Variants in MTMR14 observed in about 807,000 individuals in gnomAD.
MTMR14 encodes myotubularin related protein 14.
A neutral mutation model predicts 86.3 loss-of-function variants in MTMR14; 48 were observed. That is an observed-to-expected ratio of 0.56 (90% CI 0.44 to 0.71). The LOEUF (loss-of-function observed/expected upper bound fraction) is 0.71, where lower values mean the gene tolerates loss of function less well. MTMR14 is among the 30% of genes least tolerant of loss of function. The pLI, the probability that MTMR14 is intolerant of heterozygous loss-of-function variation, is 0.00. For synonymous variants in MTMR14, 366 were observed against 326.1 expected (o/e 1.12, Z -1.32); for missense variants, 780 against 834.6 (o/e 0.93, Z 0.81).
intron 9 of MTMR14, among the ~76,000 whole-genome samples, chr3:9,680,342 C>G (rs904927820): frequency 2.0e-5 from 3 of 152,222 alleles, no homozygotes; most frequent in Admixed American, 2.0e-4. Context: ...CATCTCACAG[C>G]TGAACCTGGG....
At chr3:9,699,019 T>C (rs1325265679) in intron 18 of MTMR14, among the ~76,000 whole-genome samples, 2 of 151,802 alleles carry the variant, frequency 1.3e-5, no homozygotes, top group Non-Finnish European at 2.9e-5. Context: ...AAATACAAAA[T>C]TAGCTGGGCG....
intron 17 of MTMR14, among the ~76,000 whole-genome samples, chr3:9,696,753 C>T (rs976424500): frequency 6.6e-6 from 1 of 152,222 alleles, no homozygotes; most frequent in African/African-American, 2.4e-5. Flanking sequence ...TCTCCACCCC[C>T]AATCCCTGCT....
rs867886503 is a variant in MTMR14, at chr3:9,650,200, C to T, written c.159+458C>T. ...AGTGTGCTGCCCCCTTATAAGGTCT[C>T]AGCATGACTTAGGCCCATCCCTTTC... is the stretch of plus-strand genomic sequence containing the variant. On this transcript the variant is annotated intron_variant, in intron 1 of 18. Coordinates refer to ENST00000296003, the MANE Select transcript of MTMR14 (RefSeq NM_001077525.3). 9.7e-5 allele frequency: 39 copies of T among 400,306 alleles called. No homozygotes were observed. The Middle Eastern group carries it at 0.012, about 122-fold the overall frequency. The allele number at this position is 400,306 out of a possible 1,614,324, so 24.8% of individuals were successfully genotyped here. A position where few individuals can be genotyped will look rare whatever the true frequency, so the allele number is the denominator to read the frequency against.
rs1181390962 is a variant in MTMR14 at position 9,701,610 on chromosome 3, G to A, written c.1770-180G>A. On this transcript the variant is annotated intron_variant, in intron 18 of 18. Coordinates refer to ENST00000296003, the MANE Select transcript of MTMR14 (RefSeq NM_001077525.3). The surrounding 1 kb of genome is among the most constrained non-coding windows in gnomAD (Gnocchi z 4.2). ...CTGAGGGCTTAGAGGAATGGTTTAA[G>A]GGAAAACAGGGCCAGATATTTGGGG... The A allele has an allele frequency of 6.8e-5, 50 of 736,192 alleles. No homozygotes were observed. The highest frequency in any genetic ancestry group is 6.7e-4 in the East Asian group (25 of 37,228). 45.6% of individuals were successfully genotyped at this position (736,192 alleles called of 1,614,324 possible).
At position 9,677,217 on chromosome 3, in the gene MTMR14, C is replaced by T; in HGVS notation, c.752-100C>T. The T allele has an allele frequency of 9.6e-7, 1 of 1,041,494 alleles. No individual in the cohort carries two copies. Among genetic ancestry groups the T allele is most frequent in the Non-Finnish European group, 1.5e-6 (1 of 676,786 alleles). 64.5% of individuals were successfully genotyped at this position (1,041,494 alleles called of 1,614,324 possible). A position where few individuals can be genotyped will look rare whatever the true frequency, so the allele number is the denominator to read the frequency against. On this transcript the variant is annotated intron_variant, in intron 7 of 18. Coordinates refer to ENST00000296003, the MANE Select transcript of MTMR14 (RefSeq NM_001077525.3). This position sits in a 1 kb window ranked among gnomAD's most constrained non-coding sequence, Gnocchi z 4.2. ...GCTTGGAGAAGTGTGAGTTGGCGGC[C>T]CCCTCTCCACAGCACTCAGGGACCT... is the stretch of plus-strand genomic sequence containing the variant.
chr3:9,689,949 C>T lies in MTMR14; in HGVS notation c.1434-15C>T. On this transcript the variant is annotated splice_polypyrimidine_tract_variant and intron_variant, in intron 16 of 18. Transcript: ENST00000296003. ...CAGTGGCCCCCGGCTCACAGCCCTG[C>T]TCCTTCCACTGCAGGAGGAAGAGCC... The T allele has an allele frequency of 6.2e-7, 1 of 1,605,570 alleles. No individual in the cohort carries two copies. The highest frequency in any genetic ancestry group is 8.5e-7 in the Non-Finnish European group (1 of 1,176,920).
intron 1 of MTMR14, among the ~76,000 whole-genome samples, chr3:9,651,150 G>A (rs2047263755): frequency 6.6e-6 from 1 of 152,058 alleles, no homozygotes; most frequent in African/African-American, 2.4e-5. Context: ...TGCCCAGGCT[G>A]GATTGCAGTG....
At chr3:9,670,016 A>C (rs1013772516) in intron 5 of MTMR14, among the ~76,000 whole-genome samples, 2 of 152,178 alleles carry the variant, frequency 1.3e-5, no homozygotes, top group African/African-American at 4.8e-5. Context: ...CAGGAGTTTG[A>C]GTCCCTATAA....
chr3:9,682,240 G>C (rs1488121655), intron 9 of MTMR14, among the ~76,000 whole-genome samples: 1 of 152,228 alleles, frequency 6.6e-6, no homozygotes, highest in Non-Finnish European at 1.5e-5. Flanking sequence ...AAGTGGGTCA[G>C]AACTCTCCAG....
intron 5 of MTMR14, among the ~76,000 whole-genome samples, chr3:9,670,047 C>T (rs1038964475): frequency 3.9e-5 from 6 of 152,228 alleles, no homozygotes; most frequent in Admixed American, 1.3e-4. Flanking sequence ...TGGGCTGGTT[C>T]ACACTCTTGC....
Position 9,702,111 on chromosome 3 carries a change from C to T in MTMR14, c.*138C>T, listed in dbSNP as rs1402537028. On this transcript the variant is annotated 3_prime_UTR_variant, in exon 19 of 19. Transcript: ENST00000296003. ...CCATCTCCATCATGAACATGGCAGCCCCAAAGCTGAGCAAGGCCAAAGACA... is the reference window on the plus strand; with the variant it reads ...CCATCTCCATCATGAACATGGCAGCTCCAAAGCTGAGCAAGGCCAAAGACA... 1 of 1,152,292 alleles carries T rather than the reference C, an allele frequency of 8.7e-7. No homozygotes were observed. Among genetic ancestry groups the T allele is most frequent in the African/African-American group, 1.5e-5 (1 of 65,760 alleles). 71.4% of individuals were successfully genotyped at this position (1,152,292 alleles called of 1,614,324 possible).
In MTMR14 at chr3:9,677,128, G is replaced by A. The variant is rs530074194; in HGVS notation, c.752-189G>A. Among the ~76,000 whole-genome samples the A allele has an allele frequency of 6.6e-6, 1 of 152,318 alleles. No individual in the cohort carries two copies. The highest frequency in any genetic ancestry group is 2.4e-5 in the African/African-American group (1 of 41,584). On this transcript the variant is annotated intron_variant, in intron 7 of 18. Coordinates refer to ENST00000296003, the MANE Select transcript of MTMR14 (RefSeq NM_001077525.3). This position sits in a 1 kb window ranked among gnomAD's most constrained non-coding sequence, Gnocchi z 4.2. ...GGCATGCAGCCAGGAAACCAGAGGG[G>A]CTCTAGAGGCTCGCCCCTGGCTTTT...
At position 9,672,769 on chromosome 3, in the gene MTMR14, C is replaced by G. The variant is rs201803218; in HGVS notation, c.751+11C>G. On this transcript the variant is annotated intron_variant, in intron 7 of 18. Transcript: ENST00000296003. ...CCATCCCGTATCCAGGTAGGGGGCT[C>G]TCTTCTAGTGGCAGGCATCCTAGGA... 3.7e-5 allele frequency: 60 copies of G among 1,613,698 alleles called. No individual in the cohort carries two copies. The highest frequency in any genetic ancestry group is 1.7e-4 in the Admixed American group (10 of 60,008).
chr3:9,651,513 G>A (rs936062724), intron 1 of MTMR14, among the ~76,000 whole-genome samples: 4 of 152,182 alleles, frequency 2.6e-5, no homozygotes, highest in South Asian at 4.1e-4. Context: ...TATTGGCTGC[G>A]GCTGGCCTTA....
intron 1 of MTMR14, 128 bp from the exon 2 acceptor site, chr3:9,653,493 T>C (rs2047426696): frequency 1.7e-6 from 2 of 1,205,676 alleles, no homozygotes; most frequent in East Asian, 2.4e-5. Context: ...CATCACATCT[T>C]CCCAGCACAG....
chr3:9,684,821 T>C lies in MTMR14; in HGVS notation c.1051-67T>C, dbSNP rs1279376561. ...TTCTTCAGCCTGCGTTGTCACTGGG[T>C]CTGGTTATGGTTCAGCTCCTGGGGA... On this transcript the variant is annotated intron_variant, in intron 11 of 18. Transcript: ENST00000296003. The C allele has an allele frequency of 2.5e-6, 4 of 1,580,170 alleles. No individual in the cohort carries two copies. In the Admixed American group the frequency reaches 6.7e-5, roughly 26 times the overall value.
rs183134138 is a variant in MTMR14, at chr3:9,684,904, C to T, written c.1067C>T (p.Thr356Met). Residue 356 changes from threonine to methionine, a missense_variant, in exon 12 of 19, where the codon ACG becomes ATG. By Grantham distance (81) the Thr-to-Met change is moderately conservative (BLOSUM62 -1). Coordinates refer to ENST00000296003, the MANE Select transcript of MTMR14 (RefSeq NM_001077525.3). Reference protein sequence around the residue: ...LSLWADGLIHTSLKPTEILYL... With the variant: ...LSLWADGLIHMSLKPTEILYL... ...CTCTTCCAGGATGGGCTCATCCACA[C>T]GTCCCTGAAGCCCACTGAGATCCTC... is the stretch of plus-strand genomic sequence containing the variant. The T allele has an allele frequency of 2.0e-4, 330 of 1,614,128 alleles. 2 individuals carry two copies. In the East Asian group the frequency reaches 3.9e-3, roughly 19 times the overall value.
Position 9,662,355 on chromosome 3 carries a change from G to T in MTMR14, c.397G>T (p.Val133Leu), listed in dbSNP as rs760212051. 1 of 1,613,326 alleles carries T rather than the reference G, an allele frequency of 6.2e-7. No homozygotes were observed. Among genetic ancestry groups the T allele is most frequent in the East Asian group, 2.2e-5 (1 of 44,850 alleles). Residue 133 changes from valine to leucine, a missense_variant, in exon 3 of 19, where the codon GTA (valine) becomes TTA (leucine). Physicochemically the swap from Val to Leu is conservative, Grantham distance 32 (BLOSUM62 1). Coordinates refer to ENST00000296003, the MANE Select transcript of MTMR14 (RefSeq NM_001077525.3). ...GTGCAGAGGACGGTTTGTCTGCCCA[G>T]TAATCCTGTTCAAGGGCAAGGTAAG... ...ARCRGRFVCP[V>L]ILFKGKHICR...
Position 9,675,608 on chromosome 3 carries a change from G to C in MTMR14, c.752-1709G>C, listed in dbSNP as rs138347436. The C allele has an allele frequency of 1.4e-3, 651 of 457,396 alleles. 1 individual carries two copies. Among genetic ancestry groups the C allele is most frequent in the Non-Finnish European group, 2.3e-3 (529 of 227,122 alleles). 28.3% of individuals were successfully genotyped at this position (457,396 alleles called of 1,614,324 possible). A position where few individuals can be genotyped will look rare whatever the true frequency, so the allele number is the denominator to read the frequency against. On this transcript the variant is annotated intron_variant, in intron 7 of 18. Coordinates refer to ENST00000296003, the MANE Select transcript of MTMR14 (RefSeq NM_001077525.3). ...AATTTGTTTCCTCCTTGAGTGAATG[G>C]CACTTCTCATCCTGCTTTTGGTCCC...
Sources: allele counts gnomAD v4.1 joint callset (sites outside exome capture counted in the v4.1 genomes callset), GRCh38; gene constraint gnomAD v4.1.1; non-coding constraint Gnocchi (gnomAD v3.1); transcripts MANE v1.5; gene names NCBI Gene and HGNC (gene_info 2026-07-23, HGNC 2026-07-21).